PRKCE: variants seen among roughly 807,000 people sequenced by gnomAD.
The protein encoded by PRKCE is protein kinase C epsilon, also known as protein kinase C epsilon type.
Under a neutral mutation model 85.4 loss-of-function variants are expected in PRKCE, and 16 were observed. That is an observed-to-expected ratio of 0.19 (90% confidence interval 0.13 to 0.28). PRKCE has a LOEUF of 0.28. Among genes scored for constraint, PRKCE ranks in the 10% least tolerant of loss-of-function variants. The pLI is 1.00. For missense variants in PRKCE, 573 were observed against 975.2 expected (o/e 0.59, Z 5.49); for synonymous variants, 388 against 371.5 (o/e 1.04, Z -0.51).
At chr2:45,879,842 G>T (rs532927894) in intron 2 of PRKCE, among the ~76,000 whole-genome samples, 10 of 152,328 alleles carry the variant, frequency 6.6e-5, no homozygotes, top group Admixed American at 4.6e-4. Context: ...AGGATAATTA[G>T]CATATCCACA....
intron 10 of PRKCE, among the ~76,000 whole-genome samples, chr2:46,066,050 T>A (rs1370317752): frequency 1.3e-5 from 2 of 152,228 alleles, no homozygotes; most frequent in Non-Finnish European, 2.9e-5. Flanking sequence ...AAAAGCTGGA[T>A]GCTGACAGTC....
chr2:45,980,466 C>T (rs1702798643), intron 5 of PRKCE, 85 bp downstream of exon 5: 3 of 1,265,788 alleles, frequency 2.4e-6, no homozygotes, highest in Non-Finnish European at 2.3e-6. Flanking sequence ...CCAAGAAAAC[C>T]TTCTCTGCCT....
intron 1 of PRKCE, among the ~76,000 whole-genome samples, chr2:45,793,207 G>A (rs1687167712): frequency 6.6e-6 from 1 of 152,246 alleles, no homozygotes; most frequent in African/African-American, 2.4e-5. Flanking sequence ...CTGAGAGAGA[G>A]CTGCAGAGGA....
Position 46,001,789 on chromosome 2 carries a change from C to T in PRKCE, c.966+243C>T, listed in dbSNP as rs1250555322. 6.6e-6 allele frequency among the ~76,000 whole-genome samples: 1 copy of T among 152,194 alleles called. No homozygotes were observed. Among genetic ancestry groups the T allele is most frequent in the Non-Finnish European group, 1.5e-5 (1 of 68,034 alleles). ...TCAAGGGTTACGTTTGCCAAAGAAA[C>T]ATAAACTTTGAGATGAGGAATTTGA... On this transcript the variant is annotated intron_variant, in intron 7 of 14. Coordinates refer to ENST00000306156, the MANE Select transcript of PRKCE (RefSeq NM_005400.3). The surrounding 1 kb of genome is among the most constrained non-coding windows in gnomAD (Gnocchi z 4.4).
chr2:45,763,278 T>C (rs1684662206), intron 1 of PRKCE, among the ~76,000 whole-genome samples: 1 of 152,136 alleles, frequency 6.6e-6, no homozygotes, highest in African/African-American at 2.4e-5. Context: ...CTTTGGCCAG[T>C]CTACATCTTG....
intron 6 of PRKCE, among the ~76,000 whole-genome samples, chr2:45,992,603 C>G (rs1052580984): frequency 3.3e-5 from 5 of 152,218 alleles, no homozygotes; most frequent in Non-Finnish European, 7.3e-5. Context: ...AACCATTGCC[C>G]TGGCTCACCC....
intron 2 of PRKCE, among the ~76,000 whole-genome samples, chr2:45,900,143 A>G (rs1054962913): frequency 6.6e-6 from 1 of 152,188 alleles, no homozygotes; most frequent in Non-Finnish European, 1.5e-5. Flanking sequence ...GATGTGGGGA[A>G]ATGGAAACTG....
chr2:46,153,747 T>G (rs960456626), intron 13 of PRKCE, among the ~76,000 whole-genome samples: 1 of 151,130 alleles, frequency 6.6e-6, no homozygotes, highest in Non-Finnish European at 1.5e-5. Context: ...GTCCTCCTCT[T>G]CCTCTTCTTC....
chr2:45,768,955 C>G (rs767506910), intron 1 of PRKCE, among the ~76,000 whole-genome samples: 5 of 152,240 alleles, frequency 3.3e-5, no homozygotes, highest in Non-Finnish European at 7.3e-5. Context: ...TATGGATCAC[C>G]TGATTGTTCT....
chr2:46,032,061 A>T (rs1381238463), intron 10 of PRKCE, among the ~76,000 whole-genome samples: 1 of 152,212 alleles, frequency 6.6e-6, no homozygotes, highest in Admixed American at 6.5e-5. Context: ...GCGCAGTGGA[A>T]ATAATACTTC....
Position 46,145,079 on chromosome 2 carries a change from G to T in PRKCE, c.1593-14G>T, listed in dbSNP as rs777657816. 5.6e-6 allele frequency: 9 copies of T among 1,599,532 alleles called. No individual in the cohort carries two copies. The highest frequency in any genetic ancestry group is 6.8e-6 in the Non-Finnish European group (8 of 1,179,906). On this transcript the variant is annotated splice_polypyrimidine_tract_variant and intron_variant, in intron 11 of 14. Transcript: ENST00000306156. The surrounding 1 kb of genome is among the most constrained non-coding windows in gnomAD (Gnocchi z 4.6). ...AGTGACGTATTGACATTATGGTCCT[G>T]GCCTATCTTGCAGGGATTTGAAACT... is the stretch of plus-strand genomic sequence containing the variant.
intron 1 of PRKCE, among the ~76,000 whole-genome samples, chr2:45,661,518 TTTTTG>T: frequency 8.0e-6 from 1 of 125,614 alleles, no homozygotes; most frequent in African/African-American, 3.0e-5. Flanking sequence ...TTTGTTTTGT[TTTTTG>T]TTTTTTGTTT....
intron 10 of PRKCE, chr2:46,010,992 T>G (rs1434660930): frequency 1.3e-5 from 18 of 1,345,004 alleles, no homozygotes; most frequent in Non-Finnish European, 1.5e-5. Context: ...AACACAAATA[T>G]AAGGCAGCAT....
At chr2:46,166,124 T>C (rs1204055451) in intron 14 of PRKCE, among the ~76,000 whole-genome samples, 2 of 152,222 alleles carry the variant, frequency 1.3e-5, no homozygotes, top group Non-Finnish European at 2.9e-5. Flanking sequence ...TGCTCCTGCA[T>C]GACTGGGCTG....
intron 1 of PRKCE, among the ~76,000 whole-genome samples, chr2:45,691,753 C>A (rs925120116): frequency 6.6e-6 from 1 of 152,140 alleles, no homozygotes; most frequent in African/African-American, 2.4e-5. Context: ...TGGAACAGAG[C>A]CCTGTGCTAA....
At chr2:45,893,285 C>A (rs1456819791) in intron 2 of PRKCE, among the ~76,000 whole-genome samples, 1 of 151,976 alleles carries the variant, frequency 6.6e-6, no homozygotes, top group Non-Finnish European at 1.5e-5. Flanking sequence ...GATGGACTCA[C>A]AGGGAGAGGC....
intron 1 of PRKCE, among the ~76,000 whole-genome samples, chr2:45,791,650 CACT>C (rs1687040229): frequency 6.6e-6 from 1 of 152,170 alleles, no homozygotes; most frequent in African/African-American, 2.4e-5. Context: ...TAGCTTATTT[CACT>C]CTAGAATCTT....
At chr2:46,172,593 A>G (rs1679023454) in intron 14 of PRKCE, among the ~76,000 whole-genome samples, 1 of 152,242 alleles carries the variant, frequency 6.6e-6, no homozygotes. Context: ...GAATGGAGAC[A>G]TAATGTGTTT....
At chr2:45,992,332 C>T (rs1703868225) in intron 6 of PRKCE, among the ~76,000 whole-genome samples, 1 of 152,124 alleles carries the variant, frequency 6.6e-6, no homozygotes, top group Non-Finnish European at 1.5e-5. Flanking sequence ...AGCGGCCGAT[C>T]GTGGTCCCCG....
Sources: allele counts gnomAD v4.1 joint callset (sites outside exome capture counted in the v4.1 genomes callset), GRCh38; gene constraint gnomAD v4.1.1; non-coding constraint Gnocchi (gnomAD v3.1); transcripts MANE v1.5; gene names NCBI Gene and HGNC (gene_info 2026-07-23, HGNC 2026-07-21).